The following CAPN13 variants were observed in gnomAD, a reference collection of about 807,000 sequenced individuals.
The protein encoded by CAPN13 is calpain 13, also known as calpain-13.
In CAPN13, 90 loss-of-function variants were observed where a neutral mutation model predicts 98.4. The observed-to-expected ratio is 0.92, with a 90% confidence interval of 0.77 to 1.09. The LOEUF (loss-of-function observed/expected upper bound fraction) is 1.09. CAPN13 is among the 50% of genes least tolerant of loss of function. The pLI, the probability that CAPN13 is intolerant of heterozygous loss-of-function variation, is 0.00. For missense variants in CAPN13, 887 were observed against 841.3 expected (o/e 1.05, Z -0.67); for synonymous variants, 330 against 305.5 (o/e 1.08, Z -0.84).
intron 1 of CAPN13, among the ~76,000 whole-genome samples, chr2:30,798,307 A>G (rs1169451393): frequency 6.6e-6 from 1 of 152,158 alleles, no homozygotes; most frequent in Non-Finnish European, 1.5e-5. Flanking sequence ...AGGCCGTAGC[A>G]CTCTTGGGTG....
intron 5 of CAPN13, among the ~76,000 whole-genome samples, chr2:30,766,418 T>A (rs923454176): frequency 3.9e-5 from 6 of 152,228 alleles, no homozygotes; most frequent in African/African-American, 1.2e-4. Context: ...ACAACGCCCA[T>A]GAAACCTGTC....
At position 30,761,493 on chromosome 2, in the gene CAPN13, C is replaced by T. The variant is rs552698300; in HGVS notation, c.774+1589G>A. On this transcript the variant is annotated intron_variant, in intron 7 of 22. Transcript: ENST00000295055. Reference sequence around the variant, plus strand: ...AGTCACTGCCATCTCCACAGCCAGCCTCTGCGGGGACTCATGCTCCAAGGT... The same window carrying T: ...AGTCACTGCCATCTCCACAGCCAGCTTCTGCGGGGACTCATGCTCCAAGGT... 7.8e-4 allele frequency among the ~76,000 whole-genome samples: 119 copies of T among 152,312 alleles called. No individual in the cohort carries two copies. The South Asian group carries it at 9.9e-3, about 13-fold the overall frequency.
At chr2:30,768,198 G>A (rs1340776275) in intron 5 of CAPN13, among the ~76,000 whole-genome samples, 2 of 152,202 alleles carry the variant, frequency 1.3e-5, no homozygotes, top group Non-Finnish European at 2.9e-5. Context: ...CCCAGGTCAT[G>A]GCTGATTGGG....
chr2:30,798,030 A>T (rs1442970133), intron 1 of CAPN13, among the ~76,000 whole-genome samples: 2 of 152,222 alleles, frequency 1.3e-5, no homozygotes, highest in Non-Finnish European at 2.9e-5. Flanking sequence ...CAGACGGTGG[A>T]AGGAGTCAGA....
chr2:30,788,631 G>C (rs1295339590), intron 1 of CAPN13, among the ~76,000 whole-genome samples: 1 of 152,180 alleles, frequency 6.6e-6, no homozygotes, highest in African/African-American at 2.4e-5. Flanking sequence ...AAAGGAAGCA[G>C]GTGATAATGA....
chr2:30,801,625 A>AAG (rs1553322694), intron 1 of CAPN13, among the ~76,000 whole-genome samples: 8 of 138,644 alleles, frequency 5.8e-5, no homozygotes, highest in African/African-American at 2.6e-4. Flanking sequence ...AAAAAAAAAA[A>AAG]AAGAAGAAGA....
At chr2:30,735,059 T>C (rs1671290395) in intron 18 of CAPN13, among the ~76,000 whole-genome samples, 1 of 152,192 alleles carries the variant, frequency 6.6e-6, no homozygotes, top group African/African-American at 2.4e-5. Context: ...GAATGGTCTA[T>C]AGAAAATATT....
intron 8 of CAPN13, among the ~76,000 whole-genome samples, chr2:30,754,736 A>T (rs1672358008): frequency 6.6e-6 from 1 of 152,000 alleles, no homozygotes; most frequent in Admixed American, 6.6e-5. Context: ...CAATCATCAA[A>T]TAGCATTCAT....
intron 1 of CAPN13, among the ~76,000 whole-genome samples, chr2:30,796,131 T>TATATGTATGTGTGTATATATATATATAC: frequency 2.2e-5 from 3 of 138,648 alleles, no homozygotes; most frequent in Middle Eastern, 3.7e-3. Flanking sequence ...GAGAATTACA[T>TATATGTATGTGTGTATATATATATATAC]ATATATATGT....
chr2:30,745,361 G>A (rs1671853503), intron 12 of CAPN13: 1 of 508,364 alleles, frequency 2.0e-6, no homozygotes, highest in Non-Finnish European at 4.0e-6. Flanking sequence ...AGGATTTGGG[G>A]ACTGACTACT....
chr2:30,777,335 C>G (rs911279198), intron 3 of CAPN13, among the ~76,000 whole-genome samples: 3 of 152,246 alleles, frequency 2.0e-5, no homozygotes, highest in Non-Finnish European at 4.4e-5. Flanking sequence ...GTTGCACACA[C>G]AAGGTATCTT....
At chr2:30,758,182 G>T (rs201008171) in intron 7 of CAPN13, 45 bp from the exon 8 acceptor site, 4 of 1,448,068 alleles carry the variant, frequency 2.8e-6, no homozygotes, top group Non-Finnish European at 3.8e-6. Flanking sequence ...TACAGCAAAA[G>T]TCAGCAGAAA....
intron 5 of CAPN13, among the ~76,000 whole-genome samples, chr2:30,765,128 T>A (rs556806420): frequency 5.6e-4 from 85 of 152,310 alleles, no homozygotes; most frequent in Non-Finnish European, 1.1e-3. Flanking sequence ...AGGCCTAATG[T>A]TCCCCAGGAG....
At chr2:30,733,434 A>T (rs1260331057) in intron 19 of CAPN13, among the ~76,000 whole-genome samples, 1 of 151,950 alleles carries the variant, frequency 6.6e-6, no homozygotes, top group East Asian at 1.9e-4. Context: ...ACAATTTTCT[A>T]CTTTTTTCTC....
chr2:30,777,662 C>G, intron 2 of CAPN13, 23 bp from the exon 3 acceptor site: 1 of 1,527,342 alleles, frequency 6.5e-7, no homozygotes, highest in Non-Finnish European at 8.9e-7. Flanking sequence ...GGGAGAAAAG[C>G]TATGAACATC....
At chr2:30,794,839 T>C (rs1674777983) in intron 1 of CAPN13, among the ~76,000 whole-genome samples, 1 of 151,902 alleles carries the variant, frequency 6.6e-6, no homozygotes. Flanking sequence ...CAAACTAATG[T>C]ACCATGACAG....
At chr2:30,791,284 G>A (rs1674595703) in intron 1 of CAPN13, among the ~76,000 whole-genome samples, 2 of 152,206 alleles carry the variant, frequency 1.3e-5, no homozygotes, top group East Asian at 3.8e-4. Context: ...GCTCCTTAAT[G>A]GGAGATATGT....
At chr2:30,802,543 G>T (rs1302576181) in intron 1 of CAPN13, among the ~76,000 whole-genome samples, 8 of 9,836 alleles carry the variant, frequency 8.1e-4, no homozygotes, top group Admixed American at 2.7e-3. Context: ...AAGGCAGGCT[G>T]GGGGGGGGGG....
intron 4 of CAPN13, among the ~76,000 whole-genome samples, chr2:30,770,672 G>C (rs1381928768): frequency 6.6e-6 from 1 of 152,244 alleles, no homozygotes; most frequent in Admixed American, 6.5e-5. Context: ...GGAAGATATA[G>C]TCAGGGAAGA....
Sources: gnomAD v4.1 joint callset for allele counts (sites outside exome capture counted in the v4.1 genomes callset) on GRCh38, gnomAD v4.1.1 for gene constraint, MANE v1.5 for transcripts, NCBI Gene and HGNC (gene_info 2026-07-23, HGNC 2026-07-21) for gene names.